ATOSA: variants seen among roughly 807,000 people sequenced by gnomAD.
ATOSA encodes the protein atos homolog A.
chr15:52,705,737 T>C, the ATOSA span, among the ~76,000 whole-genome samples: 2 of 152,168 alleles, frequency 1.3e-5, no homozygotes, highest in African/African-American at 2.4e-5. Flanking sequence ...TTAATGTCAA[T>C]AGCACCAACA....
the ATOSA span, among the ~76,000 whole-genome samples, chr15:52,597,831 T>C: frequency 6.6e-6 from 1 of 152,132 alleles, no homozygotes; most frequent in East Asian, 1.9e-4. Context: ...ACATGTAAAA[T>C]ATACTAATAT....
the ATOSA span, among the ~76,000 whole-genome samples, chr15:52,653,497 G>A: frequency 2.0e-5 from 3 of 152,140 alleles, no homozygotes; most frequent in Non-Finnish European, 4.4e-5. Context: ...AACAAGACGT[G>A]CTTGGAAACA....
At chr15:52,626,198 G>C in the ATOSA span, among the ~76,000 whole-genome samples, 1 of 152,244 alleles carries the variant, frequency 6.6e-6, no homozygotes, top group South Asian at 2.1e-4. Context: ...AGTAAGTGGA[G>C]GATCATCTTG....
At chr15:52,642,769 T>G in the ATOSA span, among the ~76,000 whole-genome samples, 2 of 152,298 alleles carry the variant, frequency 1.3e-5, no homozygotes, top group South Asian at 4.1e-4. Flanking sequence ...GAACGCTGGA[T>G]GCATAAAGGG....
chr15:52,641,964 T>C, the ATOSA span, among the ~76,000 whole-genome samples: 116 of 152,246 alleles, frequency 7.6e-4, no homozygotes, highest in Non-Finnish European at 2.4e-4. Context: ...CAGCCAAGTA[T>C]AGAATATTTC....
At chr15:52,643,929 A>C in the ATOSA span, among the ~76,000 whole-genome samples, 1,719 of 152,044 alleles carry the variant, frequency 0.011, 30 homozygotes, top group African/African-American at 0.039. Flanking sequence ...AACAAACAAA[A>C]AAAAACAAAA....
the ATOSA span, among the ~76,000 whole-genome samples, chr15:52,674,963 T>C: frequency 3.5e-3 from 540 of 152,138 alleles, 4 homozygotes; most frequent in African/African-American, 0.013. Flanking sequence ...TCATATTTCA[T>C]TCTAACTGTG....
At chr15:52,609,079 G>A in the ATOSA span, 3 of 1,613,274 alleles carry the variant, frequency 1.9e-6, no homozygotes, top group East Asian at 2.2e-5. Context: ...AGACAAAATT[G>A]AGGAAGTTGA....
chr15:52,706,504 A>T, the ATOSA span, among the ~76,000 whole-genome samples: 4 of 152,204 alleles, frequency 2.6e-5, no homozygotes, highest in Non-Finnish European at 4.4e-5. Flanking sequence ...ACTAGAAAGG[A>T]GGGAGACAAA....
the ATOSA span, among the ~76,000 whole-genome samples, chr15:52,597,985 A>G: frequency 6.6e-6 from 1 of 152,022 alleles, no homozygotes; most frequent in Admixed American, 6.6e-5. Context: ...TTAGCTGGGC[A>G]TGGTGGCGCG....
the ATOSA span, among the ~76,000 whole-genome samples, chr15:52,596,737 A>T: frequency 4.6e-5 from 7 of 152,240 alleles, no homozygotes; most frequent in Admixed American, 1.3e-4. Flanking sequence ...TCTAACTCAA[A>T]TATCAACAGT....
At chr15:52,584,798 T>C in the ATOSA span, 3 of 1,613,806 alleles carry the variant, frequency 1.9e-6, no homozygotes, top group Admixed American at 3.3e-5. Flanking sequence ...GGATGTTCTC[T>C]TTATTAACAC....
At chr15:52,685,785 G>T in the ATOSA span, among the ~76,000 whole-genome samples, 6 of 152,128 alleles carry the variant, frequency 3.9e-5, no homozygotes, top group South Asian at 2.1e-4. Context: ...TTAGCTCATT[G>T]TAACCTTGGA....
At chr15:52,657,656 A>C in the ATOSA span, 2 of 152,200 alleles carry the variant, frequency 1.3e-5, no homozygotes, top group African/African-American at 4.8e-5. Context: ...CATTCTAATA[A>C]AGTTATAAAA....
chr15:52,628,689 T>C, the ATOSA span, among the ~76,000 whole-genome samples: 1 of 152,196 alleles, frequency 6.6e-6, no homozygotes, highest in South Asian at 2.1e-4. Flanking sequence ...AATGATATTA[T>C]GAATAGATTA....
At chr15:52,596,285 C>A in the ATOSA span, among the ~76,000 whole-genome samples, 35 of 152,108 alleles carry the variant, frequency 2.3e-4, no homozygotes, top group African/African-American at 7.5e-4. Context: ...CAAACAAAAT[C>A]TCAGCAGGCT....
chr15:52,700,630 T>TCA, the ATOSA span, among the ~76,000 whole-genome samples: 1 of 152,206 alleles, frequency 6.6e-6, no homozygotes, highest in Non-Finnish European at 1.5e-5. Context: ...AAGTGCTATC[T>TCA]AGCAAACTTG....
chr15:52,618,971 G>A, the ATOSA span, among the ~76,000 whole-genome samples: 5 of 152,146 alleles, frequency 3.3e-5, no homozygotes, highest in African/African-American at 1.2e-4. Context: ...ATGACTTACT[G>A]AACTTAGTGT....
the ATOSA span, chr15:52,608,974 A>G: frequency 6.2e-7 from 1 of 1,612,474 alleles, no homozygotes; most frequent in Non-Finnish European, 8.5e-7. Context: ...CTGTTTGTCA[A>G]TAGTGGTGCA....
Sources: gnomAD v4.1 joint callset for allele counts (sites outside exome capture counted in the v4.1 genomes callset) on GRCh38, gnomAD v4.1.1 for gene constraint, MANE v1.5 for transcripts, NCBI Gene and HGNC (gene_info 2026-07-23, HGNC 2026-07-21) for gene names.